The following AFF3 variants were observed in gnomAD, a reference collection of about 807,000 sequenced individuals.
AFF3 encodes ALF transcription elongation factor 3, also known as AF4/FMR2 family member 3.
Under a neutral mutation model 129.7 loss-of-function variants are expected in AFF3, and 32 were observed. That is an observed-to-expected ratio of 0.25 (90% CI 0.19 to 0.33). AFF3 has a LOEUF of 0.33. Among genes scored for constraint, AFF3 ranks in the 10% least tolerant of loss-of-function variants. AFF3 has a pLI of 1.00. For missense variants in AFF3, 1,373 were observed against 1,592.0 expected, an observed-to-expected ratio of 0.86 and a Z score of 2.34; for synonymous variants, 644 against 635.4, an observed-to-expected ratio of 1.01 and a Z score of -0.20.
chr2:100,014,954 ATTTTTTTTTTTTT>A (rs562822524), intron 4 of AFF3, among the ~76,000 whole-genome samples: 1 of 121,658 alleles, frequency 8.2e-6, no homozygotes, highest in African/African-American at 3.3e-5. Flanking sequence ...CAGCCAGCTA[ATTTTTTTTTTTTT>A]TTTTTTTTTT....
chr2:99,993,880 A>T (rs892234807), intron 7 of AFF3, among the ~76,000 whole-genome samples: 1 of 124,988 alleles, frequency 8.0e-6, no homozygotes, highest in African/African-American at 3.2e-5. Context: ...ATCTCGGCTC[A>T]TTGCAACCTC....
At chr2:100,029,755 C>T (rs775628765) in intron 4 of AFF3, among the ~76,000 whole-genome samples, 1 of 152,200 alleles carries the variant, frequency 6.6e-6, no homozygotes, top group Non-Finnish European at 1.5e-5. Context: ...GTGCTTAACG[C>T]TACTGAACTA....
chr2:99,593,976 G>A lies in AFF3; in HGVS notation c.1685C>T (p.Ala562Val). 1.3e-6 allele frequency: 2 copies of A among 1,495,756 alleles called. No homozygotes were observed. The highest frequency in any genetic ancestry group is 1.4e-5 in the African/African-American group (1 of 71,122). The allele number at this position is 1,495,756 out of a possible 1,614,324, so 92.7% of individuals were successfully genotyped here. A position where few individuals can be genotyped will look rare whatever the true frequency, so the allele number is the denominator to read the frequency against. Residue 562 changes from alanine (A) to valine (V), a missense_variant, in exon 15 of 25, where the codon GCC (alanine) becomes GTC (valine). Physicochemically the swap from Ala to Val is moderately conservative, Grantham distance 64. This residue lies in a region of AFF3 where 413 missense variants were observed against 424.4 expected (regional missense o/e 0.97). Coordinates refer to ENST00000672756, the MANE Select transcript of AFF3 (RefSeq NM_001386135.1). Reference sequence around the variant, plus strand: ...CGCACAGGGCACTGCGGGTGGCGGGGCGGCTGCGCTCACCGCCACGGCCAC... The same window carrying A: ...CGCACAGGGCACTGCGGGTGGCGGGACGGCTGCGCTCACCGCCACGGCCAC... Reference protein sequence around the residue: ...AAVAVAVSAAAPPPAVPCAPA... With the variant: ...AAVAVAVSAAVPPPAVPCAPA...
intron 4 of AFF3, among the ~76,000 whole-genome samples, chr2:100,047,614 G>A (rs565005882): frequency 2.0e-3 from 301 of 152,200 alleles, no homozygotes; most frequent in African/African-American, 6.9e-3. Flanking sequence ...AGATACAGTT[G>A]GAGTGATTAA....
chr2:99,686,902 C>T (rs552977902), intron 11 of AFF3, among the ~76,000 whole-genome samples: 68 of 152,330 alleles, frequency 4.5e-4, no homozygotes, highest in African/African-American at 1.6e-3. Flanking sequence ...ACATCAGCAA[C>T]CTCTATCATT....
intron 7 of AFF3, among the ~76,000 whole-genome samples, chr2:99,944,684 G>A (rs975641016): frequency 7.9e-5 from 12 of 152,052 alleles, no homozygotes; most frequent in African/African-American, 1.9e-4. Flanking sequence ...CACATGCTAC[G>A]AACCATGCTT....
intron 7 of AFF3, among the ~76,000 whole-genome samples, chr2:99,842,296 T>C (rs1689372862): frequency 6.6e-6 from 1 of 152,178 alleles, no homozygotes; most frequent in South Asian, 2.1e-4. Context: ...TTTTGAAAAC[T>C]TTCCATGTTT....
At chr2:99,817,171 C>A (rs1425534499) in intron 8 of AFF3, among the ~76,000 whole-genome samples, 1 of 152,172 alleles carries the variant, frequency 6.6e-6, no homozygotes, top group African/African-American at 2.4e-5. Flanking sequence ...ACAGGAAAGG[C>A]TTCTCGAGAT....
chr2:99,861,780 C>T (rs993139639), intron 7 of AFF3, among the ~76,000 whole-genome samples: 1 of 152,132 alleles, frequency 6.6e-6, no homozygotes, highest in African/African-American at 2.4e-5. Context: ...ATGTCCAGAG[C>T]CACTGTGCTC....
chr2:99,877,289 G>A lies in AFF3; in HGVS notation c.874-39765C>T, dbSNP rs565310355. On this transcript the variant is annotated intron_variant, in intron 7 of 24. Coordinates refer to ENST00000672756, the MANE Select transcript of AFF3 (RefSeq NM_001386135.1). ...TGAGAAGTGGGATTGAGGGGGAGAT[G>A]TAATCGGTATGAAGGGCAGGAGGAA... is the stretch of plus-strand genomic sequence containing the variant. 4.6e-5 allele frequency among the ~76,000 whole-genome samples: 7 copies of A among 152,310 alleles called. No homozygotes were observed. The East Asian group carries it at 1.4e-3, about 29-fold the overall frequency.
At chr2:100,136,951 G>C (rs1169661554) in intron 1 of AFF3, among the ~76,000 whole-genome samples, 1 of 151,880 alleles carries the variant, frequency 6.6e-6, no homozygotes, top group Non-Finnish European at 1.5e-5. Flanking sequence ...TCTTTTCTAG[G>C]TATTTAACTT....
chr2:99,713,783 C>T (rs1235022414), intron 11 of AFF3, among the ~76,000 whole-genome samples: 3 of 151,664 alleles, frequency 2.0e-5, no homozygotes, highest in Non-Finnish European at 4.4e-5. Context: ...ACTGCAGCCT[C>T]TACCTCCCAG....
intron 8 of AFF3, among the ~76,000 whole-genome samples, chr2:99,771,307 T>A (rs1683459543): frequency 6.6e-6 from 1 of 151,862 alleles, no homozygotes; most frequent in African/African-American, 2.4e-5. Flanking sequence ...GGGCTTAATA[T>A]CTGGGTGATG....
intron 10 of AFF3, among the ~76,000 whole-genome samples, chr2:99,738,016 T>C (rs930187354): frequency 5.9e-5 from 9 of 152,104 alleles, no homozygotes; most frequent in Non-Finnish European, 1.3e-4. Context: ...TCTTGCTCTT[T>C]ACCACATTTC....
At chr2:99,951,608 G>A (rs1374033342) in intron 7 of AFF3, among the ~76,000 whole-genome samples, 1 of 152,142 alleles carries the variant, frequency 6.6e-6, no homozygotes, top group Non-Finnish European at 1.5e-5. Context: ...TTTACAAATG[G>A]TCAGTTTATT....
intron 4 of AFF3, among the ~76,000 whole-genome samples, chr2:100,041,373 AT>A (rs1685416196): frequency 6.6e-6 from 1 of 152,228 alleles, no homozygotes; most frequent in African/African-American, 2.4e-5. Context: ...AAATATCATG[AT>A]TTTAATTCTG....
At chr2:99,559,380 A>C (rs1675265740) in intron 21 of AFF3, among the ~76,000 whole-genome samples, 1 of 152,368 alleles carries the variant, frequency 6.6e-6, no homozygotes, top group South Asian at 2.1e-4. Context: ...TTACTGAACT[A>C]TAAGCAGCTC....
chr2:99,894,882 T>G (rs1693831491), intron 7 of AFF3, among the ~76,000 whole-genome samples: 1 of 152,232 alleles, frequency 6.6e-6, no homozygotes, highest in African/African-American at 2.4e-5. Context: ...GTCCCTCTTC[T>G]GCTTCAGTCT....
chr2:99,945,975 T>C (rs974868167), intron 7 of AFF3, among the ~76,000 whole-genome samples: 4 of 152,268 alleles, frequency 2.6e-5, no homozygotes, highest in East Asian at 1.9e-4. Flanking sequence ...TGACTACGTA[T>C]GTGCAAAGCC....
Sources: allele counts gnomAD v4.1 joint callset (sites outside exome capture counted in the v4.1 genomes callset), GRCh38; gene constraint gnomAD v4.1.1; regional missense constraint gnomAD v4.1.1; transcripts MANE v1.5; gene names NCBI Gene and HGNC (gene_info 2026-07-23, HGNC 2026-07-21).